The following SCFD2 variants were observed in gnomAD, a reference collection of about 807,000 sequenced individuals.
SCFD2 encodes sec1 family domain-containing protein 2.
In SCFD2, 54 loss-of-function variants were observed where a neutral mutation model predicts 58.9. That is an observed-to-expected ratio of 0.92 (90% CI 0.74 to 1.15). The LOEUF (loss-of-function observed/expected upper bound fraction) is 1.15. SCFD2 is among the 50% of genes most tolerant of loss of function. The pLI, the probability that SCFD2 is intolerant of heterozygous loss-of-function variation, is 0.00. For missense variants in SCFD2, 805 were observed against 836.6 expected (o/e 0.96, Z 0.47); for synonymous variants, 321 against 335.9 (o/e 0.96, Z 0.49).
intron 4 of SCFD2, among the ~76,000 whole-genome samples, chr4:53,150,103 A>G (rs953346214): frequency 6.6e-6 from 1 of 152,202 alleles, no homozygotes; most frequent in Non-Finnish European, 1.5e-5. Flanking sequence ...CTAACAATAA[A>G]GAGTATACAG....
intron 5 of SCFD2, among the ~76,000 whole-genome samples, chr4:52,984,631 T>C (rs1413548751): frequency 1.3e-5 from 2 of 152,250 alleles, no homozygotes; most frequent in Admixed American, 6.5e-5. Flanking sequence ...CTGTTCACCA[T>C]GAATCCTAAA....
intron 4 of SCFD2, among the ~76,000 whole-genome samples, chr4:53,257,773 T>C (rs1156240355): frequency 9.8e-6 from 1 of 101,972 alleles, no homozygotes; most frequent in Non-Finnish European, 2.3e-5. Context: ...TACTCTTCAT[T>C]CAAATGATAT....
intron 5 of SCFD2, among the ~76,000 whole-genome samples, chr4:53,054,870 T>C (rs1723281082): frequency 6.6e-6 from 1 of 152,126 alleles, no homozygotes; most frequent in Non-Finnish European, 1.5e-5. Flanking sequence ...CCTGGACTGG[T>C]TTCAAACTCC....
At chr4:52,875,771 A>G (rs1718454527) in intron 8 of SCFD2, among the ~76,000 whole-genome samples, 1 of 130,926 alleles carries the variant, frequency 7.6e-6, no homozygotes, top group Non-Finnish European at 1.6e-5. Context: ...GGAAGCATCT[A>G]TGTTACTTCT....
intron 4 of SCFD2, among the ~76,000 whole-genome samples, chr4:53,180,897 A>C (rs1727528759): frequency 6.6e-6 from 1 of 152,212 alleles, no homozygotes; most frequent in Non-Finnish European, 1.5e-5. Context: ...AAACTAGAAA[A>C]ATCTAGAAGA....
At chr4:53,002,365 T>C (rs1721881412) in intron 5 of SCFD2, among the ~76,000 whole-genome samples, 1 of 152,154 alleles carries the variant, frequency 6.6e-6, no homozygotes, top group African/African-American at 2.4e-5. Context: ...CTGGAGAGGA[T>C]ACCACCACCA....
Position 53,365,867 on chromosome 4 carries a change from C to T in SCFD2, c.75G>A (p.Val25=). 1.2e-6 allele frequency: 2 copies of T among 1,610,736 alleles called. No individual in the cohort carries two copies. Among genetic ancestry groups the T allele is most frequent in the Non-Finnish European group, 1.7e-6 (2 of 1,179,460 alleles). ...EQVLAKVKRA[V]VYLDAACAES... is the part of the protein sequence containing the mutation. ...CGGCGCAGGCGGCGTCCAGGTAAACCACAGCCCGTTTCACTTTGGCCAGCA... is the reference window on the plus strand; with the variant it reads ...CGGCGCAGGCGGCGTCCAGGTAAACTACAGCCCGTTTCACTTTGGCCAGCA... Residue 25 remains valine (V), a synonymous_variant, in exon 1 of 9, where the codon GTG becomes GTA. Coordinates refer to ENST00000401642, the MANE Select transcript of SCFD2 (RefSeq NM_152540.4). The surrounding 1 kb of genome is among the most constrained non-coding windows in gnomAD (Gnocchi z 4.3).
intron 4 of SCFD2, among the ~76,000 whole-genome samples, chr4:53,178,948 G>GA (rs1727443235): frequency 6.6e-6 from 1 of 152,068 alleles, no homozygotes; most frequent in Admixed American, 6.6e-5. Context: ...GAAGTTTAGA[G>GA]AAAAAAGAAT....
At chr4:53,105,139 A>T (rs1172884880) in intron 5 of SCFD2, among the ~76,000 whole-genome samples, 2 of 152,074 alleles carry the variant, frequency 1.3e-5, no homozygotes, top group Non-Finnish European at 2.9e-5. Context: ...GCCATGAGGA[A>T]TGGTGCACTC....
intron 5 of SCFD2, chr4:52,956,146 G>A (rs1289541600): frequency 2.2e-6 from 1 of 456,526 alleles, no homozygotes; most frequent in Non-Finnish European, 4.4e-6. Flanking sequence ...CTCTAAATCT[G>A]GAAGAAGCCC....
At chr4:53,002,742 T>C (rs554097839) in intron 5 of SCFD2, among the ~76,000 whole-genome samples, 1 of 152,214 alleles carries the variant, frequency 6.6e-6, no homozygotes, top group Non-Finnish European at 1.5e-5. Flanking sequence ...AGACCTGTTG[T>C]ACCAGTCTGT....
intron 5 of SCFD2, among the ~76,000 whole-genome samples, chr4:52,988,141 G>A (rs538605471): frequency 4.4e-4 from 67 of 152,282 alleles, no homozygotes; most frequent in African/African-American, 1.6e-3. Flanking sequence ...GAGAGAGAAG[G>A]AGCCAGACAC....
At chr4:53,295,001 T>TCTGTTTTGGTACCAGTACCGTG (rs1308583343) in intron 3 of SCFD2, among the ~76,000 whole-genome samples, 1 of 152,222 alleles carries the variant, frequency 6.6e-6, no homozygotes, top group African/African-American at 2.4e-5. Flanking sequence ...GGTCTATATA[T>TCTGTTTTGGTACCAGTACCGTG]CTGTTTTGGT....
intron 2 of SCFD2, among the ~76,000 whole-genome samples, chr4:53,343,746 T>A (rs1733964799): frequency 1.3e-5 from 2 of 152,176 alleles, no homozygotes; most frequent in South Asian, 2.1e-4. Flanking sequence ...ATCAAAAAGC[T>A]TATCCACCAT....
At chr4:53,331,272 C>A (rs1334617630) in intron 2 of SCFD2, among the ~76,000 whole-genome samples, 4 of 151,330 alleles carry the variant, frequency 2.6e-5, no homozygotes, top group Admixed American at 1.3e-4. Flanking sequence ...GAACTCTCCA[C>A]CCCAAATCAA....
chr4:53,071,362 A>C (rs1723809534), intron 5 of SCFD2, among the ~76,000 whole-genome samples: 1 of 152,162 alleles, frequency 6.6e-6, no homozygotes. Context: ...TAGGTGATAC[A>C]GGTATAAACA....
At chr4:53,091,767 T>C (rs1227621780) in intron 5 of SCFD2, among the ~76,000 whole-genome samples, 1 of 152,032 alleles carries the variant, frequency 6.6e-6, no homozygotes, top group Non-Finnish European at 1.5e-5. Flanking sequence ...CTCTGAAAAA[T>C]AGGGCTATGG....
At chr4:53,175,186 C>T (rs892952665) in intron 4 of SCFD2, among the ~76,000 whole-genome samples, 3 of 152,168 alleles carry the variant, frequency 2.0e-5, no homozygotes, top group Admixed American at 2.0e-4. Context: ...GAGTTAATAA[C>T]TTCTCTAAAT....
rs560992106 is a variant in SCFD2, at chr4:53,068,544, T to C, written c.1561+76789A>G. Among the ~76,000 whole-genome samples, 12 of 152,186 alleles carry C rather than the reference T, an allele frequency of 7.9e-5. No individual in the cohort carries two copies. In the South Asian group the frequency reaches 2.5e-3, roughly 32 times the overall value. ...GCATACCTTTCAATACTTTTTCCTG[T>C]GTATATATTTTTAATTTTTAATATT... On this transcript the variant is annotated intron_variant, in intron 5 of 8. Transcript: ENST00000401642.
Sources: allele counts gnomAD v4.1 joint callset (sites outside exome capture counted in the v4.1 genomes callset), GRCh38; gene constraint gnomAD v4.1.1; non-coding constraint Gnocchi (gnomAD v3.1); transcripts MANE v1.5; gene names NCBI Gene and HGNC (gene_info 2026-07-23, HGNC 2026-07-21).